Variants in SDK1 observed in about 807,000 individuals in gnomAD.
The protein encoded by SDK1 is sidekick cell adhesion molecule 1, also known as protein sidekick-1.
SDK1 carries 157 observed loss-of-function variants against 245.5 expected under a neutral mutation model. That is an observed-to-expected ratio of 0.64 (90% CI 0.56 to 0.73). SDK1 has a LOEUF of 0.73. SDK1 is among the 30% of genes least tolerant of loss of function. The probability of loss-of-function intolerance (pLI) is 0.00; values close to 1 mark genes in which losing one functional copy is unlikely to be tolerated. For missense variants in SDK1, 3,583 were observed against 3,002.3 expected (o/e 1.19, Z -4.52); for synonymous variants, 1,647 against 1,278.5 (o/e 1.29, Z -6.15).
intron 1 of SDK1, among the ~76,000 whole-genome samples, chr7:3,317,422 G>T (rs561282277): frequency 5.9e-5 from 9 of 152,074 alleles, no homozygotes; most frequent in African/African-American, 2.2e-4. Context: ...GACTAATTGG[G>T]GAGCAAGAAT....
At chr7:3,382,969 T>C (rs1781527297) in intron 1 of SDK1, among the ~76,000 whole-genome samples, 1 of 152,202 alleles carries the variant, frequency 6.6e-6, no homozygotes, top group Admixed American at 6.5e-5. Context: ...CTTTCTATCT[T>C]CTCACTTTAT....
chr7:3,655,217 T>C (rs565346055), intron 4 of SDK1, among the ~76,000 whole-genome samples: 1 of 151,748 alleles, frequency 6.6e-6, no homozygotes, highest in South Asian at 2.1e-4. Context: ...GCAGATCATC[T>C]GAGGTTGGGA....
intron 5 of SDK1, among the ~76,000 whole-genome samples, chr7:3,858,891 C>T (rs571311511): frequency 7.2e-6 from 1 of 139,144 alleles, no homozygotes; most frequent in Admixed American, 7.4e-5. Context: ...GAGATAGAGT[C>T]TCACTCTGTC....
chr7:3,579,784 A>G (rs1360056916), intron 1 of SDK1, among the ~76,000 whole-genome samples: 1 of 152,200 alleles, frequency 6.6e-6, no homozygotes, highest in Admixed American at 6.5e-5. Context: ...AGGCAAAGAA[A>G]GGGCATCCAA....
rs370735596 is a variant in SDK1 at position 4,017,213 on chromosome 7, C to T, written c.2463C>T (p.Asn821=). The change falls in exon 17 of 45, where the codon AAC becomes AAT. Residue 821 remains asparagine (N), a synonymous_variant. Transcript: ENST00000404826. Reference sequence around the variant, plus strand: ...TTCCCGGAGAGTACCAGCAGCGGAACATCACCAGCCCGGAGGTGAACTACT... The same window carrying T: ...TTCCCGGAGAGTACCAGCAGCGGAATATCACCAGCCCGGAGGTGAACTACT... The part of the protein sequence containing the change: ...AGLPGEYQQR[N]ITSPEVNYCL... The T allele has an allele frequency of 6.2e-7, 1 of 1,613,864 alleles. No homozygotes were observed. The highest frequency in any genetic ancestry group is 8.5e-7 in the Non-Finnish European group (1 of 1,179,862).
intron 4 of SDK1, among the ~76,000 whole-genome samples, chr7:3,659,106 G>C (rs1239625452): frequency 4.6e-5 from 7 of 152,140 alleles, no homozygotes; most frequent in Non-Finnish European, 1.0e-4. Context: ...CCTTTACCCA[G>C]TTGTCTTTTT....
At chr7:3,909,910 A>G (rs1779104686) in intron 5 of SDK1, among the ~76,000 whole-genome samples, 1 of 151,960 alleles carries the variant, frequency 6.6e-6, no homozygotes, top group Admixed American at 6.6e-5. Context: ...AGGAGGGATT[A>G]TTATGCATCT....
At chr7:3,344,380 G>C (rs1780437646) in intron 1 of SDK1, among the ~76,000 whole-genome samples, 2 of 152,106 alleles carry the variant, frequency 1.3e-5, no homozygotes, top group Admixed American at 6.5e-5. Context: ...TCTGTACCTA[G>C]CTCAGGATCC....
chr7:3,620,876 T>C (rs1007854126), intron 2 of SDK1, among the ~76,000 whole-genome samples: 1 of 124,832 alleles, frequency 8.0e-6, no homozygotes, highest in Non-Finnish European at 1.8e-5. Flanking sequence ...GCTTACATTA[T>C]TGGGCCTACC....
At chr7:4,221,652 A>G (rs1304028559) in intron 40 of SDK1, among the ~76,000 whole-genome samples, 1 of 152,184 alleles carries the variant, frequency 6.6e-6, no homozygotes, top group Non-Finnish European at 1.5e-5. Flanking sequence ...GTGAATGAGA[A>G]CTTAGGGACA....
At chr7:3,574,202 C>A (rs1182420727) in intron 1 of SDK1, among the ~76,000 whole-genome samples, 1 of 151,662 alleles carries the variant, frequency 6.6e-6, no homozygotes, top group African/African-American at 2.4e-5. Context: ...CTGCAACCTC[C>A]ACCTCCTAGA....
chr7:3,690,735 T>C (rs1468771916), intron 4 of SDK1, among the ~76,000 whole-genome samples: 1 of 152,236 alleles, frequency 6.6e-6, no homozygotes, highest in East Asian at 1.9e-4. Flanking sequence ...GATATATTTT[T>C]CAAGTTGATT....
chr7:3,672,796 A>ATATATATACACAT, intron 4 of SDK1, among the ~76,000 whole-genome samples: 1 of 53,416 alleles, frequency 1.9e-5, no homozygotes, highest in Admixed American at 2.2e-4. Context: ...TATATATATA[A>ATATATATACACAT]AAAATACAGA....
chr7:3,770,769 C>T (rs1057454481), intron 4 of SDK1, among the ~76,000 whole-genome samples: 1 of 152,068 alleles, frequency 6.6e-6, no homozygotes, highest in Non-Finnish European at 1.5e-5. Flanking sequence ...CCAGGCTTAC[C>T]TTCTGTTGTC....
intron 1 of SDK1, among the ~76,000 whole-genome samples, chr7:3,360,781 A>T (rs1278310700): frequency 6.6e-6 from 1 of 152,100 alleles, no homozygotes; most frequent in Non-Finnish European, 1.5e-5. Context: ...CCCCCTCCCC[A>T]CAGAGGCAGA....
At chr7:4,117,182 G>A (rs1405472795) in intron 25 of SDK1, among the ~76,000 whole-genome samples, 4 of 152,188 alleles carry the variant, frequency 2.6e-5, no homozygotes, top group Non-Finnish European at 4.4e-5. Flanking sequence ...AATCTTAAAT[G>A]TATTGGCCAG....
chr7:4,139,473 GTGTATATGTGTGTGTA>G (rs1779341163), intron 28 of SDK1, among the ~76,000 whole-genome samples: 1 of 149,844 alleles, frequency 6.7e-6, no homozygotes, highest in African/African-American at 2.5e-5. Context: ...ATATATGTGT[GTGTATATGTGTGTGTA>G]TATATGTGTG....
intron 4 of SDK1, among the ~76,000 whole-genome samples, chr7:3,780,689 C>T (rs960870753): frequency 6.6e-6 from 1 of 152,028 alleles, no homozygotes; most frequent in African/African-American, 2.4e-5. Flanking sequence ...CCCAGAAAGT[C>T]GAGCTGTGGC....
intron 12 of SDK1, among the ~76,000 whole-genome samples, chr7:3,973,810 G>C (rs1782674506): frequency 6.6e-6 from 1 of 152,062 alleles, no homozygotes; most frequent in Non-Finnish European, 1.5e-5. Flanking sequence ...CTCAGCATGT[G>C]TTTTTGTATT....
Sources: allele counts gnomAD v4.1 joint callset (sites outside exome capture counted in the v4.1 genomes callset), GRCh38; gene constraint gnomAD v4.1.1; transcripts MANE v1.5; gene names NCBI Gene and HGNC (gene_info 2026-07-23, HGNC 2026-07-21).